Variants in SF3B1 observed in about 807,000 individuals in gnomAD.
The protein encoded by SF3B1 is splicing factor 3b subunit 1, also known as pre-mRNA processing 10.
Under a neutral mutation model 153.8 loss-of-function variants are expected in SF3B1, and 12 were observed. The observed-to-expected ratio is 0.08, with a 90% confidence interval of 0.05 to 0.13. The LOEUF (loss-of-function observed/expected upper bound fraction) is 0.13, where lower values mean the gene tolerates loss of function less well. Ranked by LOEUF, SF3B1 falls within the 10% of genes least tolerant of loss-of-function variation. The pLI, the probability that SF3B1 is intolerant of heterozygous loss-of-function variation, is 1.00. For synonymous variants in SF3B1, 498 were observed against 525.2 expected (o/e 0.95, Z 0.71); for missense variants, 513 against 1,606.1 (o/e 0.32, Z 11.63).
intron 6 of SF3B1, among the ~76,000 whole-genome samples, chr2:197,415,237 A>G (rs1163163718): frequency 6.6e-6 from 1 of 150,922 alleles, no homozygotes; most frequent in Non-Finnish European, 1.5e-5. Context: ...TGCATAAGCA[A>G]AAGAGTAGCT....
At chr2:197,394,731 C>T (rs1482932107) in intron 23 of SF3B1, among the ~76,000 whole-genome samples, 2 of 152,076 alleles carry the variant, frequency 1.3e-5, no homozygotes, top group Non-Finnish European at 2.9e-5. Flanking sequence ...CGGTGAAACC[C>T]TATCTTTGCC....
intron 6 of SF3B1, among the ~76,000 whole-genome samples, chr2:197,414,031 C>T (rs767295882): frequency 1.3e-5 from 2 of 152,052 alleles, no homozygotes; most frequent in Non-Finnish European, 2.9e-5. Context: ...TGGTCTTGAA[C>T]GCCTGACCTC....
Position 197,403,138 on chromosome 2 carries a change from C to T in SF3B1, c.1720-103G>A, listed in dbSNP as rs561194478. Reference sequence around the variant, plus strand: ...CATAAGAAATTTAGAATTATCAGGACTTTTGTTAATCAAGGGACGAACTGT... The same window carrying T: ...CATAAGAAATTTAGAATTATCAGGATTTTTGTTAATCAAGGGACGAACTGT... On this transcript the variant is annotated intron_variant, in intron 12 of 24. Transcript: ENST00000335508. 4 of 860,478 alleles carry T rather than the reference C, an allele frequency of 4.6e-6. No homozygotes were observed. In the South Asian group the frequency reaches 6.5e-5, roughly 14 times the overall value. 53.3% of individuals were successfully genotyped at this position (860,478 alleles called of 1,614,324 possible). A position where few individuals can be genotyped will look rare whatever the true frequency, so the allele number is the denominator to read the frequency against.
intron 1 of SF3B1, among the ~76,000 whole-genome samples, chr2:197,432,941 A>G (rs922773583): frequency 6.6e-6 from 1 of 152,240 alleles, no homozygotes; most frequent in Non-Finnish European, 1.5e-5. Context: ...TTATCAGTTT[A>G]TCTCAATCTT....
intron 1 of SF3B1, among the ~76,000 whole-genome samples, chr2:197,427,468 G>T (rs990286089): frequency 2.0e-5 from 3 of 152,092 alleles, no homozygotes; most frequent in African/African-American, 7.2e-5. Context: ...ATGCAATTCA[G>T]AGAACTAAAA....
In SF3B1 at chr2:197,402,234, A is replaced by G. The variant is rs2084943083; in HGVS notation, c.2078-104T>C. The G allele has an allele frequency of 7.4e-7, 1 of 1,355,376 alleles. No individual in the cohort carries two copies. The highest frequency in any genetic ancestry group is 1.5e-5 in the South Asian group (1 of 67,052). The allele number at this position is 1,355,376 out of a possible 1,614,324, so 84.0% of individuals were successfully genotyped here. A position where few individuals can be genotyped will look rare whatever the true frequency, so the allele number is the denominator to read the frequency against. On this transcript the variant is annotated intron_variant, in intron 14 of 24. Transcript: ENST00000335508. This position sits in a 1 kb window ranked among gnomAD's most constrained non-coding sequence, Gnocchi z 4.6. ...ATCAACTATTCAGCCAAACTGCAGAATATGTTCACATTAAACAAAATTAGG... is the reference window on the plus strand; with the variant it reads ...ATCAACTATTCAGCCAAACTGCAGAGTATGTTCACATTAAACAAAATTAGG...
At chr2:197,422,412 G>A (rs901807864) in intron 2 of SF3B1, among the ~76,000 whole-genome samples, 4 of 151,962 alleles carry the variant, frequency 2.6e-5, no homozygotes, top group Non-Finnish European at 4.4e-5. Flanking sequence ...GTCATGGGGT[G>A]GGGGTAGGGG....
At chr2:197,412,970 CAAAAAAAAAAAA>C (rs779446735) in intron 6 of SF3B1, among the ~76,000 whole-genome samples, 4 of 45,488 alleles carry the variant, frequency 8.8e-5, no homozygotes, top group Admixed American at 2.4e-4. Flanking sequence ...ACTGTTGTCT[CAAAAAAAAAAAA>C]AAAAAAAAAA....
At chr2:197,408,190 G>A in intron 8 of SF3B1, 71 bp from the exon 9 acceptor site, 1 of 1,400,842 alleles carries the variant, frequency 7.1e-7, no homozygotes. Context: ...TGAGATAAAA[G>A]ACAGTTAAGA....
At chr2:197,417,575 T>TAAAAAAA (rs56204414) in intron 5 of SF3B1, among the ~76,000 whole-genome samples, 24 of 99,714 alleles carry the variant, frequency 2.4e-4, no homozygotes, top group East Asian at 6.1e-4. Flanking sequence ...CCACCTCTAC[T>TAAAAAAA]AAAAAAAAAA....
At chr2:197,434,086 C>T (rs566367448) in intron 1 of SF3B1, among the ~76,000 whole-genome samples, 1 of 152,282 alleles carries the variant, frequency 6.6e-6, no homozygotes, top group African/African-American at 2.4e-5. Context: ...GAGCCAAATA[C>T]CCAGAAAGAA....
chr2:197,412,564 C>T (rs2105999563), intron 6 of SF3B1, among the ~76,000 whole-genome samples: 1 of 151,638 alleles, frequency 6.6e-6, no homozygotes, highest in East Asian at 2.0e-4. Context: ...ACCATGTTGG[C>T]CAGGATGGTC....
chr2:197,411,597 G>A (rs749403854), intron 6 of SF3B1, among the ~76,000 whole-genome samples: 5 of 151,754 alleles, frequency 3.3e-5, no homozygotes, highest in Admixed American at 1.3e-4. Context: ...GTGTGAACCC[G>A]GGAGGCAGAG....
At chr2:197,421,612 T>C (rs2085243694) in intron 2 of SF3B1, among the ~76,000 whole-genome samples, 1 of 152,202 alleles carries the variant, frequency 6.6e-6, no homozygotes, top group Non-Finnish European at 1.5e-5. Context: ...TTTTCTAGTA[T>C]AAAAAGTACA....
chr2:197,397,946 T>C lies in SF3B1; in HGVS notation c.3266+39A>G. ...TTCCAATACCACAATGCATTTATTA[T>C]AAAGTAATTTTTTTTTAATGGAAGT... On this transcript the variant is annotated intron_variant, in intron 22 of 24. Transcript: ENST00000335508. 4.7e-6 allele frequency: 7 copies of C among 1,504,908 alleles called. No homozygotes were observed. In the South Asian group the frequency reaches 8.4e-5, roughly 18 times the overall value. 93.2% of individuals were successfully genotyped at this position (1,504,908 alleles called of 1,614,324 possible). A position where few individuals can be genotyped will look rare whatever the true frequency, so the allele number is the denominator to read the frequency against.
At chr2:197,394,942 A>G (rs1379780115) in intron 23 of SF3B1, among the ~76,000 whole-genome samples, 2 of 152,206 alleles carry the variant, frequency 1.3e-5, no homozygotes, top group African/African-American at 4.8e-5. Context: ...CTCCAAAGAT[A>G]GTAACACAGA....
intron 6 of SF3B1, among the ~76,000 whole-genome samples, chr2:197,415,313 C>T (rs181743454): frequency 3.7e-4 from 56 of 151,960 alleles, no homozygotes; most frequent in African/African-American, 1.3e-3. Context: ...AACACATTGG[C>T]GTAATCTCAG....
intron 22 of SF3B1, among the ~76,000 whole-genome samples, 193 bp from the exon 23 acceptor site, chr2:197,396,521 G>A (rs1346733784): frequency 6.6e-6 from 1 of 151,858 alleles, no homozygotes; most frequent in African/African-American, 2.4e-5. Context: ...TAAAAGGTCA[G>A]TTTAAAAAAG....
chr2:197,423,725 A>T, intron 2 of SF3B1, 83 bp downstream of exon 2: 1 of 1,382,642 alleles, frequency 7.2e-7, no homozygotes, highest in Non-Finnish European at 1.0e-6. Flanking sequence ...TCCAGATTAA[A>T]CCAGATGGCT....
Sources: gnomAD v4.1 joint callset for allele counts (sites outside exome capture counted in the v4.1 genomes callset) on GRCh38, gnomAD v4.1.1 for gene constraint, Gnocchi (gnomAD v3.1) non-coding constraint, MANE v1.5 for transcripts, NCBI Gene and HGNC (gene_info 2026-07-23, HGNC 2026-07-21) for gene names.